LDLRAD4: variants seen among roughly 807,000 people sequenced by gnomAD.
LDLRAD4 encodes low-density lipoprotein receptor class A domain-containing protein 4.
In LDLRAD4, 5 loss-of-function variants were observed where a neutral mutation model predicts 17.0. The ratio of observed to expected loss-of-function variants is 0.29; its 90% CI spans 0.15 to 0.62. The LOEUF (loss-of-function observed/expected upper bound fraction) is 0.62. LDLRAD4 is among the 20% of genes least tolerant of loss of function. The pLI, the probability that LDLRAD4 is intolerant of heterozygous loss-of-function variation, is 0.84. For missense variants in LDLRAD4, 340 were observed against 424.7 expected (o/e 0.80, Z 1.75); for synonymous variants, 168 against 171.8 (o/e 0.98, Z 0.17).
chr18:13,267,386 A>G (rs1426631378), intron 1 of LDLRAD4, among the ~76,000 whole-genome samples: 1 of 152,230 alleles, frequency 6.6e-6, no homozygotes, highest in Non-Finnish European at 1.5e-5. Flanking sequence ...AGAGTGGTCT[A>G]TCTCATTTAT....
chr18:13,337,594 C>G (rs2082163241), intron 1 of LDLRAD4, among the ~76,000 whole-genome samples: 1 of 152,092 alleles, frequency 6.6e-6, no homozygotes, highest in Admixed American at 6.6e-5. Flanking sequence ...GAATGATTTT[C>G]AACATTCAGT....
intron 3 of LDLRAD4, among the ~76,000 whole-genome samples, chr18:13,503,023 G>A (rs1326838706): frequency 6.6e-6 from 1 of 152,244 alleles, no homozygotes; most frequent in Non-Finnish European, 1.5e-5. Context: ...GTATTAACAT[G>A]AACCTGAGAG....
chr18:13,485,089 A>G (rs1322116216), intron 3 of LDLRAD4, among the ~76,000 whole-genome samples: 1 of 152,210 alleles, frequency 6.6e-6, no homozygotes, highest in Admixed American at 6.5e-5. Context: ...GTTGTTTACT[A>G]GGACTTCGCT....
At chr18:13,631,072 G>A (rs992651542) in intron 4 of LDLRAD4, among the ~76,000 whole-genome samples, 5 of 152,342 alleles carry the variant, frequency 3.3e-5, no homozygotes, top group East Asian at 1.9e-4. Context: ...CCTTGCACAC[G>A]TGGACGCATG....
At chr18:13,477,403 G>T (rs1436334576) in intron 3 of LDLRAD4, among the ~76,000 whole-genome samples, 1 of 152,152 alleles carries the variant, frequency 6.6e-6, no homozygotes, top group African/African-American at 2.4e-5. Flanking sequence ...TGACCCATGA[G>T]AAACAGTAGC....
At chr18:13,529,722 G>T (rs2094098016) in intron 3 of LDLRAD4, among the ~76,000 whole-genome samples, 1 of 152,216 alleles carries the variant, frequency 6.6e-6, no homozygotes, top group South Asian at 2.1e-4. Context: ...TCCTTTCTCT[G>T]AATGTTGGCA....
intron 1 of LDLRAD4, among the ~76,000 whole-genome samples, chr18:13,368,613 A>G (rs1428039727): frequency 2.6e-5 from 4 of 152,122 alleles, no homozygotes; most frequent in African/African-American, 9.7e-5. Context: ...ATGCCCTTCC[A>G]GGGACTCACA....
chr18:13,560,385 G>T (rs1166146955), intron 3 of LDLRAD4, among the ~76,000 whole-genome samples: 1 of 152,212 alleles, frequency 6.6e-6, no homozygotes, highest in Admixed American at 6.5e-5. Context: ...AGCCCAAGGG[G>T]ATTCGGGTCT....
chr18:13,573,113 T>G (rs973873650), intron 3 of LDLRAD4, among the ~76,000 whole-genome samples: 1 of 152,224 alleles, frequency 6.6e-6, no homozygotes, highest in African/African-American at 2.4e-5. Flanking sequence ...TTATTTTATT[T>G]TATTTTTTTG....
chr18:13,333,120 G>A (rs180741512), intron 1 of LDLRAD4, among the ~76,000 whole-genome samples: 126 of 152,246 alleles, frequency 8.3e-4, no homozygotes, highest in African/African-American at 2.8e-3. Context: ...TAATAGGTGC[G>A]TAGTGGTATT....
intron 3 of LDLRAD4, among the ~76,000 whole-genome samples, chr18:13,529,481 C>T (rs2094093451): frequency 1.3e-5 from 2 of 152,168 alleles, no homozygotes; most frequent in Admixed American, 6.5e-5. Flanking sequence ...CAGGCTGTCG[C>T]GGTGCAAGAC....
At chr18:13,242,749 A>G (rs73415395) in intron 1 of LDLRAD4, among the ~76,000 whole-genome samples, 1,880 of 152,352 alleles carry the variant, frequency 0.012, 19 homozygotes, top group African/African-American at 0.031. Context: ...CATCACGTCA[A>G]TAGGGTACAT....
At chr18:13,242,345 GTTGT>G (rs1369076792) in intron 1 of LDLRAD4, among the ~76,000 whole-genome samples, 1 of 152,196 alleles carries the variant, frequency 6.6e-6, no homozygotes, top group East Asian at 1.9e-4. Context: ...CTTTGAAGAG[GTTGT>G]TTAATTCCTG....
chr18:13,305,632 C>T, intron 1 of LDLRAD4, among the ~76,000 whole-genome samples: 1 of 152,210 alleles, frequency 6.6e-6, no homozygotes, highest in East Asian at 1.9e-4. Context: ...AAAGTCATGA[C>T]ATTGCAAGAA....
intron 3 of LDLRAD4, among the ~76,000 whole-genome samples, chr18:13,538,994 G>A (rs1281976387): frequency 6.6e-6 from 1 of 152,174 alleles, no homozygotes; most frequent in Non-Finnish European, 1.5e-5. Flanking sequence ...TACCTCCTTG[G>A]CTCTTAATGA....
At chr18:13,550,242 T>G (rs1017490287) in intron 3 of LDLRAD4, among the ~76,000 whole-genome samples, 5 of 152,144 alleles carry the variant, frequency 3.3e-5, no homozygotes, top group Admixed American at 2.0e-4. Context: ...GGCAGCTTCA[T>G]GAGGAATATA....
chr18:13,393,807 T>G (rs1228767341), intron 2 of LDLRAD4, among the ~76,000 whole-genome samples: 1 of 152,212 alleles, frequency 6.6e-6, no homozygotes, highest in Non-Finnish European at 1.5e-5. Flanking sequence ...CATTCTTGTG[T>G]TGTGACCAAA....
chr18:13,226,180 C>CTTATTTTTTTT (rs2041781438), intron 1 of LDLRAD4, among the ~76,000 whole-genome samples: 1 of 52,188 alleles, frequency 1.9e-5, no homozygotes, highest in Non-Finnish European at 3.3e-5. Context: ...CCATGCCTTG[C>CTTATTTTTTTT]TTTTTTTTTT....
chr18:13,450,778 A>G (rs111545767), intron 3 of LDLRAD4, among the ~76,000 whole-genome samples: 2,754 of 152,330 alleles, frequency 0.018, 41 homozygotes, highest in Middle Eastern at 0.044. Flanking sequence ...GGAGGCCACC[A>G]TCATGGGCTG....
Sources: allele counts gnomAD v4.1 joint callset (sites outside exome capture counted in the v4.1 genomes callset), GRCh38; gene constraint gnomAD v4.1.1; transcripts MANE v1.5; gene names NCBI Gene and HGNC (gene_info 2026-07-23, HGNC 2026-07-21).